Variants in CDRT4 observed in about 807,000 individuals in gnomAD.
The protein encoded by CDRT4 is CMT1A duplicated region transcript 4.
For synonymous variants in CDRT4, 64 were observed against 69.6 expected, an observed-to-expected ratio of 0.92 and a Z score of 0.40; for missense variants, 167 against 193.1, an observed-to-expected ratio of 0.87 and a Z score of 0.80.
intron 3 of CDRT4, chr17:15,439,075 T>C: frequency 2.2e-6 from 1 of 455,568 alleles, no homozygotes; most frequent in Non-Finnish European, 4.4e-6. Flanking sequence ...GGCATGTCAG[T>C]CCTTCCCATC....
chr17:15,447,742 A>T (rs1191854944), intron 2 of CDRT4, among the ~76,000 whole-genome samples: 1 of 152,194 alleles, frequency 6.6e-6, no homozygotes, highest in Non-Finnish European at 1.5e-5. Context: ...TCTATTATCT[A>T]CAGATCAAGT....
rs528624122 is a variant in CDRT4 at position 15,464,438 on chromosome 17, G to A, written c.-130+3022C>T. ...CACTGCAGCAGCGGCTGCCTTTTCC[G>A]AGCTCGCTTCTTCCCTTCCCACCCC... On this transcript the variant is annotated intron_variant, in intron 1 of 3. Transcript: ENST00000619038. This position sits in a 1 kb window ranked among gnomAD's most constrained non-coding sequence, Gnocchi z 4.5. 5.3e-5 allele frequency among the ~76,000 whole-genome samples: 8 copies of A among 152,246 alleles called. No individual in the cohort carries two copies. Among genetic ancestry groups the A allele is most frequent in the African/African-American group, 1.7e-4 (7 of 41,542 alleles).
At chr17:15,465,106 C>A (rs1007757982) in intron 1 of CDRT4, among the ~76,000 whole-genome samples, 1 of 137,142 alleles carries the variant, frequency 7.3e-6, no homozygotes, top group South Asian at 2.6e-4. Context: ...CAGACACACA[C>A]CAACACACAG....
At chr17:15,465,014 CACAG>C (rs1330625328) in intron 1 of CDRT4, among the ~76,000 whole-genome samples, 1 of 143,388 alleles carries the variant, frequency 7.0e-6, no homozygotes, top group African/African-American at 2.7e-5. Flanking sequence ...ACACACACAA[CACAG>C]ACACACACCA....
intron 1 of CDRT4, among the ~76,000 whole-genome samples, chr17:15,465,479 T>C (rs1433002474): frequency 7.8e-6 from 1 of 128,880 alleles, no homozygotes; most frequent in African/African-American, 3.1e-5. Flanking sequence ...GAGATACACA[T>C]CAACACCAGA....
intron 1 of CDRT4, among the ~76,000 whole-genome samples, chr17:15,453,978 TATC>T (rs908508134): frequency 1.3e-5 from 2 of 152,156 alleles, no homozygotes; most frequent in African/African-American, 4.8e-5. Flanking sequence ...GCTGGACTGT[TATC>T]ATCATTAATA....
rs898212242 is a variant in CDRT4 at position 15,465,839 on chromosome 17, A to G, written c.-130+1621T>C. On this transcript the variant is annotated intron_variant, in intron 1 of 3. Transcript: ENST00000619038. ...CCTGGCCATCCACCGTGGGGAGGACATGCAGCGCGCATCGTGAGGACTCCA... is the reference window on the plus strand; with the variant it reads ...CCTGGCCATCCACCGTGGGGAGGACGTGCAGCGCGCATCGTGAGGACTCCA... Among the ~76,000 whole-genome samples, 5 of 151,064 alleles carry G rather than the reference A, an allele frequency of 3.3e-5. No individual in the cohort carries two copies. The East Asian group carries it at 7.9e-4, about 24-fold the overall frequency.
chr17:15,441,759 T>G (rs1978772976), intron 2 of CDRT4, among the ~76,000 whole-genome samples: 1 of 152,228 alleles, frequency 6.6e-6, no homozygotes, highest in Non-Finnish European at 1.5e-5. Flanking sequence ...ATGCTCTTTT[T>G]GTCAAACCTA....
chr17:15,463,791 T>C (rs889631915), intron 1 of CDRT4, among the ~76,000 whole-genome samples: 6 of 152,192 alleles, frequency 3.9e-5, no homozygotes, highest in African/African-American at 1.4e-4. Flanking sequence ...CCTGCCCGTC[T>C]GTCATCAGAG....
intron 3 of CDRT4, 152 bp from the exon 4 acceptor site, chr17:15,438,352 G>C: frequency 1.5e-6 from 1 of 679,780 alleles, no homozygotes; most frequent in Non-Finnish European, 2.5e-6. Flanking sequence ...ATTCAAAGTG[G>C]GGGAACAGAA....
chr17:15,459,147 G>A (rs1276966898), intron 1 of CDRT4, among the ~76,000 whole-genome samples: 2 of 152,136 alleles, frequency 1.3e-5, no homozygotes, highest in Non-Finnish European at 2.9e-5. Flanking sequence ...CCAGTTTCAG[G>A]AACACTTTTT....
chr17:15,465,680 AAAACACAC>A (rs1980004251), intron 1 of CDRT4, among the ~76,000 whole-genome samples: 1 of 152,260 alleles, frequency 6.6e-6, no homozygotes, highest in Non-Finnish European at 1.5e-5. Flanking sequence ...CACAACACAC[AAAACACAC>A]AAACACACAG....
At chr17:15,442,378 C>T (rs996306209) in intron 2 of CDRT4, among the ~76,000 whole-genome samples, 6 of 151,132 alleles carry the variant, frequency 4.0e-5, no homozygotes, top group Non-Finnish European at 5.9e-5. Flanking sequence ...CCACTGCACT[C>T]CAGCCTGGGC....
chr17:15,440,137 C>A (rs1978688420), intron 3 of CDRT4, 71 bp downstream of exon 3: 2 of 1,491,194 alleles, frequency 1.3e-6, no homozygotes, highest in Admixed American at 4.0e-5. Flanking sequence ...GTGGCCTCTT[C>A]CCACTGCGAA....
At chr17:15,439,899 T>G (rs545862433) in intron 3 of CDRT4, among the ~76,000 whole-genome samples, 1 of 151,908 alleles carries the variant, frequency 6.6e-6, no homozygotes. Flanking sequence ...ATGAGAACAC[T>G]TGGACACAGG....
In CDRT4 at chr17:15,450,759, TCAAA is replaced by T. The variant is rs929308064; in HGVS notation, c.-48+2241_-48+2244del. On this transcript the variant is annotated intron_variant, in intron 2 of 3. Coordinates refer to ENST00000619038, the MANE Select transcript of CDRT4 (RefSeq NM_001204477.2). This position sits in a 1 kb window ranked among gnomAD's most constrained non-coding sequence, Gnocchi z 4.2. ...AATAACCTCTCAAACTTTTCATGGT[TCAAA>T]CAAACTCTTGACCTTACTCCATAAA... 3.3e-4 allele frequency among the ~76,000 whole-genome samples: 51 copies of T among 152,314 alleles called. No individual in the cohort carries two copies. The highest frequency in any genetic ancestry group is 1.2e-3 in the African/African-American group (50 of 41,558).
rs1449634483 is a variant in CDRT4 at position 15,453,006 on chromosome 17, G to A, written c.-50C>T. The A allele has an allele frequency of 6.6e-6, 1 of 152,174 alleles. No homozygotes were observed. The highest frequency in any genetic ancestry group is 2.4e-5 in the African/African-American group (1 of 41,420). The allele number at this position is 152,174 out of a possible 1,614,324, so 9.4% of individuals were successfully genotyped here. On this transcript the variant is annotated splice_region_variant and 5_prime_UTR_variant, in exon 2 of 4. Coordinates refer to ENST00000619038, the MANE Select transcript of CDRT4 (RefSeq NM_001204477.2). ...ACCCAAGGCCAGATTTGCTTAACTT[G>A]TTCTGATATCTTGCCTTCCTCTTCT...
intron 1 of CDRT4, among the ~76,000 whole-genome samples, chr17:15,458,669 A>C (rs1160292996): frequency 6.6e-6 from 1 of 152,152 alleles, no homozygotes; most frequent in African/African-American, 2.4e-5. Flanking sequence ...CTGAACCCTG[A>C]GGGATACACC....
chr17:15,447,320 G>C (rs534091149), intron 2 of CDRT4, among the ~76,000 whole-genome samples: 5 of 152,202 alleles, frequency 3.3e-5, no homozygotes, highest in African/African-American at 1.2e-4. Flanking sequence ...GGGTGGGGAG[G>C]AGTGTCAAGA....
Sources: gnomAD v4.1 joint callset for allele counts (sites outside exome capture counted in the v4.1 genomes callset) on GRCh38, gnomAD v4.1.1 for gene constraint, Gnocchi (gnomAD v3.1) non-coding constraint, MANE v1.5 for transcripts, NCBI Gene and HGNC (gene_info 2026-07-23, HGNC 2026-07-21) for gene names.